Variants in LDLRAD4 observed in about 807,000 individuals in gnomAD.
LDLRAD4 encodes low density lipoprotein receptor class A domain containing 4, also known as low-density lipoprotein receptor class A domain-containing protein 4.
Under a neutral mutation model 17.0 loss-of-function variants are expected in LDLRAD4, and 5 were observed. The ratio of observed to expected loss-of-function variants is 0.29; its 90% confidence interval spans 0.15 to 0.62. The LOEUF (loss-of-function observed/expected upper bound fraction) is 0.62. Among genes scored for constraint, LDLRAD4 ranks in the 20% least tolerant of loss-of-function variants. The probability of loss-of-function intolerance (pLI) is 0.84; values close to 1 mark genes in which losing one functional copy is unlikely to be tolerated. For synonymous variants in LDLRAD4, 168 were observed against 171.8 expected (o/e 0.98, Z 0.17); for missense variants, 340 against 424.7 (o/e 0.80, Z 1.75).
intron 1 of LDLRAD4, among the ~76,000 whole-genome samples, chr18:13,383,898 G>A (rs562967752): frequency 6.6e-6 from 1 of 152,342 alleles, no homozygotes; most frequent in South Asian, 2.1e-4. Context: ...TGCTAGCAGT[G>A]AGAAAGAAGA....
chr18:13,385,111 A>G (rs574396182), intron 1 of LDLRAD4, among the ~76,000 whole-genome samples: 1 of 152,204 alleles, frequency 6.6e-6, no homozygotes, highest in Non-Finnish European at 1.5e-5. Flanking sequence ...AACAGTGTAC[A>G]CGGGTTCCCT....
Position 13,448,675 on chromosome 18 carries a change from C to T in LDLRAD4, c.181+10291C>T, listed in dbSNP as rs553182864. Among the ~76,000 whole-genome samples, 398 of 151,886 alleles carry T rather than the reference C, an allele frequency of 2.6e-3. 2 individuals carry two copies. Among genetic ancestry groups the T allele is most frequent in the Non-Finnish European group, 3.4e-3 (231 of 67,938 alleles). On this transcript the variant is annotated intron_variant, in intron 3 of 5. Transcript: ENST00000359446. The stretch of plus-strand genomic sequence containing the variant: ...GGAGGCTGGGGGACCACCGATAAGG[C>T]GGGAGGTGACGCAGCAGCTTGCCGT...
chr18:13,331,809 A>C (rs577292153), intron 1 of LDLRAD4, among the ~76,000 whole-genome samples: 8 of 152,282 alleles, frequency 5.3e-5, no homozygotes, highest in Admixed American at 5.2e-4. Context: ...AACAACTTGG[A>C]GGTTTCTCTG....
intron 1 of LDLRAD4, among the ~76,000 whole-genome samples, chr18:13,261,532 C>G (rs1360576264): frequency 1.3e-5 from 2 of 152,178 alleles, no homozygotes; most frequent in Admixed American, 1.3e-4. Flanking sequence ...GGTTTCCAGC[C>G]TCAGGCCTTC....
chr18:13,374,213 G>A (rs2084725920), intron 1 of LDLRAD4, among the ~76,000 whole-genome samples: 1 of 152,192 alleles, frequency 6.6e-6, no homozygotes, highest in South Asian at 2.1e-4. Context: ...GCAGAGGCCA[G>A]AGCCCTCCCA....
intron 4 of LDLRAD4, among the ~76,000 whole-genome samples, chr18:13,627,366 G>A (rs112573021): frequency 2.9e-4 from 44 of 152,342 alleles, no homozygotes; most frequent in South Asian, 4.1e-4. Context: ...TGAGGCTGGG[G>A]CTGTGAGGTG....
At chr18:13,438,930 T>C (rs1057496433) in intron 3 of LDLRAD4, among the ~76,000 whole-genome samples, 1 of 152,214 alleles carries the variant, frequency 6.6e-6, no homozygotes, top group Admixed American at 6.5e-5. Context: ...TTGAAGTTCG[T>C]TGGTTTTCGA....
intron 3 of LDLRAD4, chr18:13,515,250 A>G (rs1478430150): frequency 6.6e-6 from 1 of 152,232 alleles, no homozygotes; most frequent in Non-Finnish European, 1.5e-5. Flanking sequence ...TTGGTTTTAA[A>G]GAAACCAAAA....
intron 2 of LDLRAD4, among the ~76,000 whole-genome samples, chr18:13,388,235 G>C (rs2085976516): frequency 6.6e-6 from 1 of 152,206 alleles, no homozygotes; most frequent in Admixed American, 6.5e-5. Context: ...TGCAGTGAGC[G>C]GGGAGAAGTG....
intron 3 of LDLRAD4, among the ~76,000 whole-genome samples, chr18:13,525,284 C>CT (rs1438150493): frequency 6.6e-6 from 1 of 152,184 alleles, no homozygotes; most frequent in Non-Finnish European, 1.5e-5. Context: ...CTTAAGCTCT[C>CT]TGTTTTTCTG....
intron 3 of LDLRAD4, among the ~76,000 whole-genome samples, chr18:13,619,321 C>T (rs1409949697): frequency 6.6e-6 from 1 of 152,092 alleles, no homozygotes; most frequent in Non-Finnish European, 1.5e-5. Flanking sequence ...CCTAGGTAAA[C>T]AAGCGTGTCA....
intron 2 of LDLRAD4, among the ~76,000 whole-genome samples, chr18:13,390,969 G>A (rs2086232046): frequency 6.6e-6 from 1 of 152,152 alleles, no homozygotes; most frequent in South Asian, 2.1e-4. Flanking sequence ...TAGGATGCAG[G>A]GGCTGACACA....
intron 1 of LDLRAD4, chr18:13,239,980 A>C (rs371942686): frequency 3.3e-5 from 5 of 151,948 alleles, no homozygotes; most frequent in Non-Finnish European, 2.9e-5. Context: ...GGCCCGTGCA[A>C]CTCTCCTCAT....
At chr18:13,291,247 A>C (rs2045946033) in intron 1 of LDLRAD4, among the ~76,000 whole-genome samples, 1 of 152,224 alleles carries the variant, frequency 6.6e-6, no homozygotes, top group South Asian at 2.1e-4. Context: ...TGCTCCAGAA[A>C]ACAAAATGAC....
At chr18:13,580,596 G>T (rs1010813559) in intron 3 of LDLRAD4, among the ~76,000 whole-genome samples, 1 of 152,152 alleles carries the variant, frequency 6.6e-6, no homozygotes, top group East Asian at 1.9e-4. Context: ...GAATGTGCAG[G>T]CGATGGCACG....
chr18:13,387,291 A>C, intron 1 of LDLRAD4, 50 bp from the exon 3 acceptor site: 1 of 170,748 alleles, frequency 5.9e-6, no homozygotes, highest in Non-Finnish European at 1.2e-5. Flanking sequence ...TAAGCCTGTT[A>C]ATTGTAATGC....
chr18:13,412,137 C>T (rs1461048098), intron 2 of LDLRAD4, among the ~76,000 whole-genome samples: 2 of 152,232 alleles, frequency 1.3e-5, no homozygotes, highest in Non-Finnish European at 2.9e-5. Context: ...GCCATCACGC[C>T]TGGCCTGCAC....
At chr18:13,358,946 T>C (rs528306193) in intron 1 of LDLRAD4, among the ~76,000 whole-genome samples, 1 of 152,238 alleles carries the variant, frequency 6.6e-6, no homozygotes, top group African/African-American at 2.4e-5. Flanking sequence ...AAAAGAACTA[T>C]GGATGGAGAA....
intron 3 of LDLRAD4, among the ~76,000 whole-genome samples, chr18:13,569,069 A>G (rs1489818802): frequency 6.6e-6 from 1 of 150,562 alleles, no homozygotes; most frequent in African/African-American, 2.4e-5. Flanking sequence ...ACATCATTTG[A>G]AAAAAAAAAT....
Sources: allele counts gnomAD v4.1 joint callset (sites outside exome capture counted in the v4.1 genomes callset), GRCh38; gene constraint gnomAD v4.1.1; transcripts MANE v1.5; gene names NCBI Gene and HGNC (gene_info 2026-07-23, HGNC 2026-07-21).